The following LUZP2 variants were observed in gnomAD, a reference collection of about 807,000 sequenced individuals.
LUZP2 encodes leucine zipper protein 2.
Under a neutral mutation model 51.6 loss-of-function variants are expected in LUZP2, and 52 were observed. The ratio of observed to expected loss-of-function variants is 1.01; its 90% CI spans 0.81 to 1.27. LUZP2 has a LOEUF of 1.27. Ranked by LOEUF, LUZP2 falls within the 50% of genes most tolerant of loss-of-function variation. The pLI is 0.00. For missense variants in LUZP2, 436 were observed against 395.4 expected (o/e 1.10, Z -0.87); for synonymous variants, 154 against 137.3 (o/e 1.12, Z -0.85).
At chr11:24,692,883 T>A (rs1247050142) in intron 1 of LUZP2, among the ~76,000 whole-genome samples, 2 of 151,976 alleles carry the variant, frequency 1.3e-5, no homozygotes, top group African/African-American at 4.8e-5. Flanking sequence ...TCCCTTCAAA[T>A]AACTGCATAT....
intron 10 of LUZP2, among the ~76,000 whole-genome samples, chr11:25,073,929 G>C (rs1859230389): frequency 6.6e-6 from 1 of 152,100 alleles, no homozygotes; most frequent in African/African-American, 2.4e-5. Context: ...ATTCCATAAA[G>C]AAGCAGACCC....
At chr11:24,993,143 G>T (rs1370452454) in intron 9 of LUZP2, among the ~76,000 whole-genome samples, 1 of 152,048 alleles carries the variant, frequency 6.6e-6, no homozygotes, top group African/African-American at 2.4e-5. Context: ...TGTAAAGTTA[G>T]AATTTGGTAT....
intron 10 of LUZP2, among the ~76,000 whole-genome samples, chr11:25,056,182 A>G (rs760443484): frequency 6.6e-6 from 1 of 152,198 alleles, no homozygotes; most frequent in African/African-American, 2.4e-5. Context: ...CAGCTAGTAG[A>G]AACAGCTATA....
chr11:24,751,164 C>T (rs1373668638), intron 4 of LUZP2, among the ~76,000 whole-genome samples: 1 of 152,008 alleles, frequency 6.6e-6, no homozygotes, highest in Non-Finnish European at 1.5e-5. Context: ...CTAACTCATT[C>T]CCCCAAATGA....
chr11:24,737,204 C>T (rs758939886), intron 3 of LUZP2, among the ~76,000 whole-genome samples: 11 of 151,964 alleles, frequency 7.2e-5, no homozygotes, highest in East Asian at 3.9e-4. Context: ...TACGTTCTGT[C>T]GTCTTAATAT....
chr11:24,986,176 T>C (rs946152077), intron 9 of LUZP2, among the ~76,000 whole-genome samples: 3 of 151,852 alleles, frequency 2.0e-5, no homozygotes, highest in African/African-American at 7.2e-5. Flanking sequence ...AGCTGGCTTA[T>C]ACATGCTTGC....
chr11:24,632,406 A>C (rs2133929064), intron 1 of LUZP2, among the ~76,000 whole-genome samples: 1 of 152,170 alleles, frequency 6.6e-6, no homozygotes, highest in Non-Finnish European at 1.5e-5. Context: ...AAGTCTAATA[A>C]AGTTTGCATA....
chr11:24,897,326 C>T (rs1180916894), intron 5 of LUZP2, among the ~76,000 whole-genome samples: 3 of 152,176 alleles, frequency 2.0e-5, no homozygotes, highest in Admixed American at 6.5e-5. Context: ...CAACCCGCCT[C>T]TGTGGAAGCT....
chr11:24,773,514 T>G (rs551548124), intron 5 of LUZP2, among the ~76,000 whole-genome samples: 1 of 152,288 alleles, frequency 6.6e-6, no homozygotes, highest in African/African-American at 2.4e-5. Context: ...CAGTGTTTAC[T>G]TAGAGGTAGT....
intron 9 of LUZP2, among the ~76,000 whole-genome samples, chr11:25,040,343 A>AGTTTTTTTTTTTTTTTTTTTTTTTTTTT (rs1858011478): frequency 1.0e-5 from 1 of 98,828 alleles, no homozygotes; most frequent in African/African-American, 5.8e-5. Context: ...TTTCTTTCCG[A>AGTTTTTTTTTTTTTTTTTTTTTTTTTTT]TTTTTTTTTT....
chr11:25,077,933 C>A (rs1325069780), intron 11 of LUZP2, among the ~76,000 whole-genome samples: 2 of 152,126 alleles, frequency 1.3e-5, no homozygotes, highest in Admixed American at 1.3e-4. Context: ...TTTGGCTTGA[C>A]TATATGAGGC....
chr11:24,888,261 T>C (rs1037841000), intron 5 of LUZP2, among the ~76,000 whole-genome samples: 2 of 152,094 alleles, frequency 1.3e-5, no homozygotes, highest in African/African-American at 4.8e-5. Flanking sequence ...GCCTTATTCA[T>C]AGGCTTTCTC....
chr11:24,855,451 T>C (rs1280836471), intron 5 of LUZP2, among the ~76,000 whole-genome samples: 1 of 152,108 alleles, frequency 6.6e-6, no homozygotes, highest in African/African-American at 2.4e-5. Flanking sequence ...CTAAAACTAA[T>C]GAGAGAAATT....
At chr11:24,834,277 G>A (rs1354935417) in intron 5 of LUZP2, among the ~76,000 whole-genome samples, 11 of 151,974 alleles carry the variant, frequency 7.2e-5, no homozygotes, top group African/African-American at 2.7e-4. Flanking sequence ...CCCAGGGTGT[G>A]TTGTTGCCTT....
chr11:24,533,589 A>G (rs1014966456), intron 1 of LUZP2, among the ~76,000 whole-genome samples: 5 of 151,272 alleles, frequency 3.3e-5, no homozygotes, highest in African/African-American at 1.2e-4. Flanking sequence ...CTCCTGATAT[A>G]AAGCATGCAA....
At chr11:25,060,370 A>G (rs1858801208) in intron 10 of LUZP2, among the ~76,000 whole-genome samples, 1 of 152,106 alleles carries the variant, frequency 6.6e-6, no homozygotes, top group Admixed American at 6.6e-5. Context: ...AGCCTCTTTT[A>G]TAAGGGCACT....
At chr11:24,850,236 G>T (rs374964361) in intron 5 of LUZP2, among the ~76,000 whole-genome samples, 11 of 151,946 alleles carry the variant, frequency 7.2e-5, no homozygotes, top group African/African-American at 2.4e-4. Flanking sequence ...AGGTTTTCTC[G>T]TAGGAGTTTT....
intron 5 of LUZP2, among the ~76,000 whole-genome samples, chr11:24,842,593 A>G (rs1851070184): frequency 6.6e-6 from 1 of 152,042 alleles, no homozygotes; most frequent in Non-Finnish European, 1.5e-5. Context: ...TAGCCTGCTG[A>G]CAATGTTCTC....
At chr11:24,817,735 G>T (rs1454946897) in intron 5 of LUZP2, among the ~76,000 whole-genome samples, 1 of 151,978 alleles carries the variant, frequency 6.6e-6, no homozygotes, top group African/African-American at 2.4e-5. Context: ...GTAAAGACAA[G>T]ACATGACAGT....
Sources: gnomAD v4.1 joint callset for allele counts (sites outside exome capture counted in the v4.1 genomes callset) on GRCh38, gnomAD v4.1.1 for gene constraint, MANE v1.5 for transcripts, NCBI Gene and HGNC (gene_info 2026-07-23, HGNC 2026-07-21) for gene names.